HAGH: variants seen among roughly 807,000 people sequenced by gnomAD.
HAGH encodes hydroxyacylglutathione hydrolase.
In HAGH, 29 loss-of-function variants were observed where a neutral mutation model predicts 35.1. The ratio of observed to expected loss-of-function variants is 0.83; its 90% CI spans 0.62 to 1.13. The LOEUF is 1.13. HAGH is among the 50% of genes most tolerant of loss of function. HAGH has a pLI of 0.00. For synonymous variants in HAGH, 225 were observed against 176.1 expected (o/e 1.28, Z -2.20); for missense variants, 478 against 419.6 (o/e 1.14, Z -1.22).
chr16:1,820,200 G>A lies in HAGH; in HGVS notation c.315-186C>T, dbSNP rs186936862. On this transcript the variant is annotated intron_variant, in intron 3 of 8. Transcript: ENST00000397356. ...TCACAGACACCTGGATGATCCTGTG[G>A]CCAGGGTTCCGAGCGTGGGGGCCTG... is the stretch of plus-strand genomic sequence containing the variant. Among the ~76,000 whole-genome samples, 19 of 152,252 alleles carry A rather than the reference G, an allele frequency of 1.2e-4. No homozygotes were observed. In the East Asian group the frequency reaches 3.5e-3, roughly 28 times the overall value.
At chr16:1,813,888 A>G (rs554059632) in intron 7 of HAGH, among the ~76,000 whole-genome samples, 223 of 152,344 alleles carry the variant, frequency 1.5e-3, no homozygotes, top group African/African-American at 5.1e-3. Context: ...GACCAGAAGC[A>G]GACTCGGGCA....
chr16:1,813,175 G>A (rs775775895), intron 7 of HAGH, among the ~76,000 whole-genome samples: 6 of 152,182 alleles, frequency 3.9e-5, no homozygotes, highest in African/African-American at 7.2e-5. Flanking sequence ...CTCCAAGTGC[G>A]AGTTTTTGCT....
intron 7 of HAGH, among the ~76,000 whole-genome samples, chr16:1,814,198 G>A (rs919230008): frequency 2.6e-5 from 4 of 152,140 alleles, no homozygotes; most frequent in Non-Finnish European, 5.9e-5. Flanking sequence ...GAGTAGGCCG[G>A]GCGCAGTGGC....
intron 7 of HAGH, among the ~76,000 whole-genome samples, chr16:1,815,642 T>C (rs11866526): frequency 1.3e-5 from 2 of 152,012 alleles, no homozygotes; most frequent in Admixed American, 6.6e-5. Context: ...GGGGTAGTGG[T>C]AAGTTCCACA....
At chr16:1,820,514 G>A (rs527854138) in intron 3 of HAGH, among the ~76,000 whole-genome samples, 11 of 152,188 alleles carry the variant, frequency 7.2e-5, no homozygotes, top group Non-Finnish European at 1.3e-4. Context: ...ACCTGGGTGC[G>A]TCTGGGATGA....
In HAGH at chr16:1,822,084, CCTT is replaced by C. The variant is rs2142048056; in HGVS notation, c.314+213_314+215del. On this transcript the variant is annotated intron_variant, in intron 3 of 8. Transcript: ENST00000397356. ...GTGGGGCCTGAGGGTAAGGCTGTAA[CCTT>C]CTCCCCTCACCCTCGGGGCCTCAGA... 3 of 572,032 alleles carry C rather than the reference CCTT, an allele frequency of 5.2e-6. No homozygotes were observed. In the South Asian group the frequency reaches 6.3e-5, roughly 12 times the overall value. The allele number at this position is 572,032 out of a possible 1,614,324, so 35.4% of individuals were successfully genotyped here.
intron 4 of HAGH, 22 bp downstream of exon 4, chr16:1,819,875 A>G (rs1211058673): frequency 6.9e-7 from 1 of 1,444,316 alleles, no homozygotes; most frequent in African/African-American, 1.4e-5. Context: ...ACGCTGGAGC[A>G]CCTCCAGGGC....
intron 5 of HAGH, among the ~76,000 whole-genome samples, chr16:1,817,656 C>T (rs1484663165): frequency 6.6e-6 from 1 of 152,244 alleles, no homozygotes; most frequent in African/African-American, 2.4e-5. Context: ...ACCCTGTGAC[C>T]AAGGTCTCAC....
At position 1,819,104 on chromosome 16, in the gene HAGH, C is replaced by A. The variant is rs375687413; in HGVS notation, c.541+11G>T. 7.0e-6 allele frequency: 11 copies of A among 1,561,032 alleles called. No homozygotes were observed. In the South Asian group the frequency reaches 1.2e-4, roughly 17 times the overall value. ...AAGAACCCCCGCCCCCACCCACACTCGAACACGCACCTGTGAACACGGCAG... is the reference window on the plus strand; with the variant it reads ...AAGAACCCCCGCCCCCACCCACACTAGAACACGCACCTGTGAACACGGCAG... On this transcript the variant is annotated intron_variant, in intron 5 of 8. Coordinates refer to ENST00000397356, the MANE Select transcript of HAGH (RefSeq NM_005326.6).
chr16:1,825,037 G>A (rs536602431), intron 1 of HAGH, among the ~76,000 whole-genome samples: 2 of 152,328 alleles, frequency 1.3e-5, no homozygotes, highest in South Asian at 2.1e-4. Flanking sequence ...CAAAAATACT[G>A]CCCACGTGCG....
chr16:1,821,958 T>G (rs60563107), intron 3 of HAGH: 18,267 of 209,650 alleles, frequency 0.087, 1,395 homozygotes, highest in African/African-American at 0.19. Context: ...TTTTGTTTTT[T>G]TTTTTTTTAA....
In HAGH at chr16:1,817,261, C is replaced by G; in HGVS notation, c.552G>C (p.Leu184Phe). The G allele has an allele frequency of 6.2e-7, 1 of 1,610,322 alleles. No individual in the cohort carries two copies. Among genetic ancestry groups the G allele is most frequent in the Non-Finnish European group, 8.5e-7 (1 of 1,176,530 alleles). Residue 184 changes from leucine to phenylalanine, a missense_variant, in exon 6 of 9, where the codon TTG becomes TTC. By Grantham distance (22) the Leu-to-Phe change is conservative. Transcript: ENST00000397356. ...EPPAVFTGDT[L>F]FVAGCGKFYE... is the part of the protein sequence containing the mutation. ...AGAACTTCCCGCAGCCAGCCACAAA[C>G]AAGGTGTCACCTGGAAACAAGGACA...
At position 1,819,236 on chromosome 16, in the gene HAGH, A is replaced by T; in HGVS notation, c.433-13T>A. 6.4e-7 allele frequency: 1 copy of T among 1,562,796 alleles called. No individual in the cohort carries two copies. The highest frequency in any genetic ancestry group is 8.8e-7 in the Non-Finnish European group (1 of 1,137,966). The stretch of plus-strand genomic sequence containing the variant: ...TCAGAGACCCCACCTTCAACAAAGC[A>T]GGCGACCGCGTGTGCTCCCAGACAC... On this transcript the variant is annotated splice_polypyrimidine_tract_variant and intron_variant, in intron 4 of 8. Coordinates refer to ENST00000397356, the MANE Select transcript of HAGH (RefSeq NM_005326.6).
At chr16:1,809,536 T>G (rs1897541257) in intron 8 of HAGH, 154 bp from the exon 9 acceptor site, 1 of 682,520 alleles carries the variant, frequency 1.5e-6, no homozygotes, top group African/African-American at 1.8e-5. Flanking sequence ...TTCTGACAGG[T>G]TCTGAACTCC....
At position 1,817,159 on chromosome 16, in the gene HAGH, G is replaced by A. The variant is rs373526700; in HGVS notation, c.645+9C>T. The A allele has an allele frequency of 1.1e-5, 17 of 1,565,174 alleles. No individual in the cohort carries two copies. The East Asian group carries it at 2.0e-4, about 19-fold the overall frequency. ...CCCACACCCCGGCCCGCAGGGAGGC[G>A]CTGCCTACTGTGTCCGGGGGGAGCC... On this transcript the variant is annotated intron_variant, in intron 6 of 8. Coordinates refer to ENST00000397356, the MANE Select transcript of HAGH (RefSeq NM_005326.6).
intron 5 of HAGH, among the ~76,000 whole-genome samples, chr16:1,818,219 C>A (rs60852871): frequency 0.092 from 14,032 of 152,146 alleles, 798 homozygotes; most frequent in African/African-American, 0.16. Flanking sequence ...CCAGGGACTC[C>A]GTGCTCGCTG....
At chr16:1,826,188 C>T (rs1457406601) in intron 1 of HAGH, among the ~76,000 whole-genome samples, 1 of 152,038 alleles carries the variant, frequency 6.6e-6, no homozygotes, top group Non-Finnish European at 1.5e-5. Context: ...GCTGCGCACC[C>T]GCCCGGGGCG....
chr16:1,826,844 C>A (rs1898461682), upstream of HAGH: 25 of 1,102,010 alleles, frequency 2.3e-5, no homozygotes, highest in East Asian at 7.0e-4. Context: ...CCGGCGTCGG[C>A]GCGTCGCAGC....
At chr16:1,825,134 T>C (rs1224689964) in intron 1 of HAGH, among the ~76,000 whole-genome samples, 1 of 70,688 alleles carries the variant, frequency 1.4e-5, no homozygotes, top group Admixed American at 1.6e-4. Flanking sequence ...CTGACCAATA[T>C]GGTGAAACCC....
Sources: allele counts gnomAD v4.1 joint callset (sites outside exome capture counted in the v4.1 genomes callset), GRCh38; gene constraint gnomAD v4.1.1; transcripts MANE v1.5; gene names NCBI Gene and HGNC (gene_info 2026-07-23, HGNC 2026-07-21).